Variants in ASB8 observed in about 807,000 individuals in gnomAD.
The protein encoded by ASB8 is ankyrin repeat and SOCS box containing 8.
In ASB8, 15 loss-of-function variants were observed where a neutral mutation model predicts 22.9. The ratio of observed to expected loss-of-function variants is 0.66; its 90% CI spans 0.44 to 1.01. The LOEUF is 1.01. ASB8 is among the 50% of genes least tolerant of loss of function. ASB8 has a pLI of 0.00. For synonymous variants in ASB8, 124 were observed against 140.8 expected, an observed-to-expected ratio of 0.88 and a Z score of 0.84; for missense variants, 294 against 356.9, an observed-to-expected ratio of 0.82 and a Z score of 1.42.
At chr12:48,150,043 G>T in intron 3 of ASB8, 45 bp from the exon 4 acceptor site, 1 of 1,576,800 alleles carries the variant, frequency 6.3e-7, no homozygotes, top group Non-Finnish European at 8.7e-7. Context: ...CTACTGAGAG[G>T]AAGACAGGAC....
Position 48,149,874 on chromosome 12 carries a change from G to GT in ASB8, c.358dup (p.Thr120AsnfsTer9). 1 of 1,614,220 alleles carries GT rather than the reference G, an allele frequency of 6.2e-7. No homozygotes were observed. The highest frequency in any genetic ancestry group is 8.5e-7 in the Non-Finnish European group (1 of 1,180,030). ...CTTAAAGGCTGCCCAGTGAAGTGGG[G>GT]TATCTCTGTTGCCATCCAAAGCATT... On this transcript the variant is annotated frameshift_variant, in exon 4 of 4. Coordinates refer to ENST00000317697, the MANE Select transcript of ASB8 (RefSeq NM_024095.5). LOFTEE classifies it high-confidence loss of function.
rs936110727 is a variant in ASB8 at position 48,153,549 on chromosome 12, G to A, written c.-33-20C>T. Reference sequence around the variant, plus strand: ...AACTGCCTGAAACAAAGAAGTTTTCGGCATATACAATATCACTGAGCACAC... The same window carrying A: ...AACTGCCTGAAACAAAGAAGTTTTCAGCATATACAATATCACTGAGCACAC... On this transcript the variant is annotated intron_variant, in intron 1 of 3. Coordinates refer to ENST00000317697, the MANE Select transcript of ASB8 (RefSeq NM_024095.5). 9.4e-6 allele frequency: 15 copies of A among 1,595,482 alleles called. No homozygotes were observed. The highest frequency in any genetic ancestry group is 4.0e-5 in the African/African-American group (3 of 74,508).
Position 48,149,333 on chromosome 12 carries a change from C to G in ASB8, c.*33G>C. ...ACTGCAGGGACAACCTCACCCAGAG[C>G]TGCCTGCACGATGGTGCAAACATCT... On this transcript the variant is annotated 3_prime_UTR_variant, in exon 4 of 4. Coordinates refer to ENST00000317697, the MANE Select transcript of ASB8 (RefSeq NM_024095.5). 6.3e-7 allele frequency: 1 copy of G among 1,589,808 alleles called. No individual in the cohort carries two copies. The highest frequency in any genetic ancestry group is 8.6e-7 in the Non-Finnish European group (1 of 1,164,304).
intron 1 of ASB8, among the ~76,000 whole-genome samples, chr12:48,154,228 C>T (rs1592852931): frequency 1.3e-5 from 2 of 151,972 alleles, no homozygotes; most frequent in South Asian, 4.1e-4. Flanking sequence ...TGCCTGTAAT[C>T]CCAGCACTTT....
Position 48,148,069 on chromosome 12 carries a change from A to G in ASB8, c.*1297T>C, listed in dbSNP as rs1218676217. On this transcript the variant is annotated 3_prime_UTR_variant, in exon 4 of 4. Transcript: ENST00000317697. ...GGACCATCACAAAAGGAGCTCTTACATGCTTTTCCCACTCCCATCCCAAGT... is the reference window on the plus strand; with the variant it reads ...GGACCATCACAAAAGGAGCTCTTACGTGCTTTTCCCACTCCCATCCCAAGT... The G allele has an allele frequency of 1.3e-5, 2 of 152,248 alleles. No individual in the cohort carries two copies. Among genetic ancestry groups the G allele is most frequent in the African/African-American group, 4.8e-5 (2 of 41,476 alleles). The allele number at this position is 152,248 out of a possible 1,614,324, so 9.4% of individuals were successfully genotyped here.
At position 48,149,398 on chromosome 12, in the gene ASB8, A is replaced by C. The variant is rs777272108; in HGVS notation, c.835T>G (p.Ser279Ala). ...DAVKGLPLPASLKEYLLLLE is the reference protein window; with the variant it reads ...DAVKGLPLPAALKEYLLLLE ...AAAAGTAACAGGTATTCCTTCAAAG[A>C]AGCTGGCAGTGGAAGGCCCTTCACT... Residue 279 changes from serine (S) to alanine (A), a missense_variant, in exon 4 of 4, where the codon TCT (serine) becomes GCT (alanine). Ser to Ala is a moderately conservative substitution (Grantham distance 99). Coordinates refer to ENST00000317697, the MANE Select transcript of ASB8 (RefSeq NM_024095.5). The C allele has an allele frequency of 1.9e-6, 3 of 1,613,922 alleles. No homozygotes were observed. The highest frequency in any genetic ancestry group is 2.5e-6 in the Non-Finnish European group (3 of 1,179,926).
chr12:48,151,299 C>A lies in ASB8; in HGVS notation c.136G>T (p.Asp46Tyr), dbSNP rs1951199382. ...AGTGTGCCATGAGTGCAGTTCACAT[C>A]TGCTCCCTGTGGGCAGAAGACAACT... ...NVEDLIRGGA[D>Y]VNCTHGTLKP... is the part of the protein sequence containing the mutation. The change falls in exon 3 of 4, where the codon GAT (aspartate) becomes TAT (tyrosine). Residue 46 changes from aspartate (D) to tyrosine (Y), a missense_variant. Coordinates refer to ENST00000317697, the MANE Select transcript of ASB8 (RefSeq NM_024095.5). 6.2e-7 allele frequency: 1 copy of A among 1,612,474 alleles called. No individual in the cohort carries two copies. Among genetic ancestry groups the A allele is most frequent in the African/African-American group, 1.3e-5 (1 of 74,986 alleles).
At chr12:48,151,032 A>G (rs1338427138) in intron 3 of ASB8, 169 bp downstream of exon 3, 2 of 628,562 alleles carry the variant, frequency 3.2e-6, no homozygotes, top group East Asian at 2.7e-5. Flanking sequence ...AGATCATTTT[A>G]TATATTTACC....
chr12:48,151,159 A>G (rs759941796), intron 3 of ASB8, 42 bp downstream of exon 3: 19 of 1,470,880 alleles, frequency 1.3e-5, no homozygotes, highest in Middle Eastern at 1.7e-4. Flanking sequence ...ATGAAGCTCA[A>G]GTTTTAGTGA....
In ASB8 at chr12:48,149,477, TGTTTTTA is replaced by T; in HGVS notation, c.749_755del (p.Leu250HisfsTer20). On this transcript the variant is annotated frameshift_variant, in exon 4 of 4. Coordinates refer to ENST00000317697, the MANE Select transcript of ASB8 (RefSeq NM_024095.5). LOFTEE classifies it high-confidence loss of function. ...TACGGCGCACGGCATAGCGAGCGAG[TGTTTTTA>T]GAGTTCCTGGAGCTGAGCACAGAAC... 1 of 1,613,288 alleles carries T rather than the reference TGTTTTTA, an allele frequency of 6.2e-7. No individual in the cohort carries two copies. Among genetic ancestry groups the T allele is most frequent in the African/African-American group, 1.3e-5 (1 of 74,954 alleles).
rs147278607 is a variant in ASB8, at chr12:48,149,458, G to A, written c.775C>T (p.Arg259Cys). ...AGATACTGGAGTCCCAGGCTACGGC[G>A]CACGGCATAGCGAGCGAGTGTTTTT... ...TLKTLARYAV[R>C]RSLGLQYLPD... Residue 259 changes from arginine (R) to cysteine (C), a missense_variant, in exon 4 of 4, where the codon CGC (arginine) becomes TGC (cysteine). Coordinates refer to ENST00000317697, the MANE Select transcript of ASB8 (RefSeq NM_024095.5). 11 of 1,614,000 alleles carry A rather than the reference G, an allele frequency of 6.8e-6. No individual in the cohort carries two copies. Among genetic ancestry groups the A allele is most frequent in the African/African-American group, 2.7e-5 (2 of 74,914 alleles).
At chr12:48,157,091 G>C (rs1050811292) in intron 1 of ASB8, 1 of 151,582 alleles carries the variant, frequency 6.6e-6, no homozygotes, top group Non-Finnish European at 1.5e-5. Context: ...AACCTTGGCC[G>C]AGCCTGCAGC....
intron 2 of ASB8, chr12:48,151,802 A>G (rs1231134343): frequency 2.4e-6 from 1 of 415,328 alleles, no homozygotes; most frequent in Non-Finnish European, 4.5e-6. Context: ...TCTTCAAAGT[A>G]GCCTCTTAGT....
chr12:48,153,109 A>G (rs543022971), intron 2 of ASB8: 8 of 401,238 alleles, frequency 2.0e-5, no homozygotes, highest in African/African-American at 1.6e-4. Context: ...TCGTACTCAG[A>G]TATTTTACAA....
At chr12:48,153,319 T>C (rs746217590) in intron 2 of ASB8, 49 bp downstream of exon 2, 2 of 1,598,934 alleles carry the variant, frequency 1.3e-6, no homozygotes, top group East Asian at 2.2e-5. Flanking sequence ...ATGAGGATTT[T>C]GCCCACTTCA....
At chr12:48,151,556 G>A (rs1951203276) in intron 2 of ASB8, 1 of 1,469,192 alleles carries the variant, frequency 6.8e-7, no homozygotes, top group African/African-American at 1.4e-5. Context: ...GAGGCTGCCA[G>A]ATGGTCACCT....
chr12:48,155,371 A>G (rs1403033123), intron 1 of ASB8, among the ~76,000 whole-genome samples: 2 of 152,318 alleles, frequency 1.3e-5, no homozygotes, highest in East Asian at 3.9e-4. Context: ...AAGAAATTCA[A>G]GACTTGAAAT....
chr12:48,149,509 C>T lies in ASB8; in HGVS notation c.724G>A (p.Val242Ile), dbSNP rs761877430. 8 of 1,614,206 alleles carry T rather than the reference C, an allele frequency of 5.0e-6. No homozygotes were observed. The East Asian group carries it at 1.1e-4, about 22-fold the overall frequency. Reference sequence around the variant, plus strand: ...AGAGTTCCTGGAGCTGAGCACAGAACAGTCAGTTTTTCACATAGCTGCGGG... The same window carrying T: ...AGAGTTCCTGGAGCTGAGCACAGAATAGTCAGTTTTTCACATAGCTGCGGG... ...RDPQLCEKLT[V>I]LCSAPGTLKT... The change falls in exon 4 of 4, where the codon GTT becomes ATT. Residue 242 changes from valine to isoleucine, a missense_variant. Coordinates refer to ENST00000317697, the MANE Select transcript of ASB8 (RefSeq NM_024095.5).
At chr12:48,154,773 A>G (rs1951271546) in intron 1 of ASB8, among the ~76,000 whole-genome samples, 1 of 151,800 alleles carries the variant, frequency 6.6e-6, no homozygotes, top group African/African-American at 2.4e-5. Context: ...GCCCATCTGT[A>G]CTAAAAATAC....
Sources: gnomAD v4.1 joint callset for allele counts (sites outside exome capture counted in the v4.1 genomes callset) on GRCh38, gnomAD v4.1.1 for gene constraint, MANE v1.5 for transcripts, NCBI Gene and HGNC (gene_info 2026-07-23, HGNC 2026-07-21) for gene names.